The following KCTD14 variants were observed in gnomAD, a reference collection of about 807,000 sequenced individuals.
KCTD14 encodes the protein BTB/POZ domain-containing protein KCTD14.
Under a neutral mutation model 5.9 loss-of-function variants are expected in KCTD14, and 7 were observed. That is an observed-to-expected ratio of 1.19 (90% confidence interval 0.68 to 2.23). The LOEUF (loss-of-function observed/expected upper bound fraction) is 2.23. KCTD14 is among the 30% of genes most tolerant of loss of function. KCTD14 has a pLI of 0.00. For synonymous variants in KCTD14, 140 were observed against 133.1 expected, an observed-to-expected ratio of 1.05 and a Z score of -0.36; for missense variants, 342 against 332.2, an observed-to-expected ratio of 1.03 and a Z score of -0.23.
intron 1 of KCTD14, among the ~76,000 whole-genome samples, chr11:78,019,930 G>A (rs1056875083): frequency 1.3e-5 from 2 of 152,182 alleles, no homozygotes; most frequent in African/African-American, 4.8e-5. Flanking sequence ...ATTACCTTCA[G>A]TCTTCCAATA....
rs190560355 is a variant in KCTD14, at chr11:78,043,032, G to A, written c.-96+3029C>T. Among the ~76,000 whole-genome samples, 14 of 152,310 alleles carry A rather than the reference G, an allele frequency of 9.2e-5. No individual in the cohort carries two copies. In the East Asian group the frequency reaches 2.3e-3, roughly 25 times the overall value. The stretch of plus-strand genomic sequence containing the variant: ...GACAAGGGAAGAGGGGCTGGGCACC[G>A]TGGCTCACACCTGTAATCCCTGCCT... On this transcript the variant is annotated intron_variant, in intron 1 of 2. Transcript: ENST00000533144.
At chr11:78,033,262 A>G (rs1857680190) in intron 2 of KCTD14, among the ~76,000 whole-genome samples, 1 of 152,260 alleles carries the variant, frequency 6.6e-6, no homozygotes, top group Non-Finnish European at 1.5e-5. Flanking sequence ...GCAAAAGACC[A>G]GAAGCAGCCT....
intron 2 of KCTD14, among the ~76,000 whole-genome samples, chr11:78,034,632 T>C (rs892824102): frequency 2.6e-5 from 4 of 152,052 alleles, no homozygotes; most frequent in African/African-American, 9.7e-5. Context: ...ACAAATCTCG[T>C]CTTTTTGCTG....
rs1406874855 is a variant in KCTD14, at chr11:78,017,096, T to C, written c.265A>G (p.Ile89Val). The part of the protein sequence containing the change: ...IDRPSTYFRP[I>V]LDYLRTGQVP... ...TGCCCAGTGCGCAGGTAGTCCAGGA[T>C]GGGTCTGAAATAGGTGCTGGGGCGG... The change falls in exon 2 of 2, where the codon ATC becomes GTC. Residue 89 changes from isoleucine to valine, a missense_variant. By Grantham distance (29) the Ile-to-Val change is conservative (BLOSUM62 3). Coordinates refer to ENST00000353172, the MANE Select transcript of KCTD14 (RefSeq NM_023930.4). 9.9e-6 allele frequency: 16 copies of C among 1,614,188 alleles called. No individual in the cohort carries two copies. Among genetic ancestry groups the C allele is most frequent in the Non-Finnish European group, 1.4e-5 (16 of 1,180,038 alleles).
At chr11:78,020,982 T>C (rs935290880) in intron 1 of KCTD14, among the ~76,000 whole-genome samples, 14 of 152,240 alleles carry the variant, frequency 9.2e-5, no homozygotes, top group Middle Eastern at 6.8e-3. Flanking sequence ...ACATCAAATA[T>C]CCTTTCTGAA....
exon 2 of KCTD14, chr11:78,038,707 G>A (rs1857893930): frequency 6.5e-7 from 1 of 1,535,748 alleles, no homozygotes. Context: ...AAACACAGCA[G>A]GGGTGTCAGA....
At chr11:78,038,772 A>C (rs1274485236) in intron 1 of KCTD14, 1 of 1,535,684 alleles carries the variant, frequency 6.5e-7, no homozygotes, top group South Asian at 1.2e-5. Flanking sequence ...AAACAGAAAG[A>C]GAATTTCTTA....
In KCTD14 at chr11:78,032,448, A is replaced by T. The variant is rs1857651417; in HGVS notation, c.-1+6216T>A. Among the ~76,000 whole-genome samples, 4 of 152,372 alleles carry T rather than the reference A, an allele frequency of 2.6e-5. No homozygotes were observed. The South Asian group carries it at 8.3e-4, about 32-fold the overall frequency. On this transcript the variant is annotated intron_variant, in intron 2 of 2. Coordinates refer to the KCTD14 transcript ENST00000533144. ...AGGTAACCTTTGTTTCACAGGCATT[A>T]TCTCATTTAATCTTCACAACAACCC...
At chr11:78,033,845 CAAAAA>C (rs60386490) in intron 2 of KCTD14, among the ~76,000 whole-genome samples, 1 of 133,450 alleles carries the variant, frequency 7.5e-6, no homozygotes. Flanking sequence ...GACTCCATCT[CAAAAA>C]AAAAAAAAAG....
chr11:78,023,222 G>GCCACAT lies in KCTD14; in HGVS notation c.27_28insATGTGG (p.Arg9_Pro10insMetTrp), dbSNP rs753093190. On this transcript the variant is annotated inframe_insertion, in exon 1 of 2. Coordinates refer to ENST00000353172, the MANE Select transcript of KCTD14 (RefSeq NM_023930.4). ...GTCTGGCTCGTCATCCTGCCCACTGGCCGCTCCACTGCGCAGCCCTGCCAC... is the reference window on the plus strand; with the variant it reads ...GTCTGGCTCGTCATCCTGCCCACTGGCCACATCCGCTCCACTGCGCAGCCCTGCCAC... 6 of 1,608,370 alleles carry GCCACAT rather than the reference G, an allele frequency of 3.7e-6. No homozygotes were observed. The African/African-American group carries it at 8.0e-5, about 22-fold the overall frequency.
At chr11:78,040,237 G>A (rs1245838720) in intron 1 of KCTD14, among the ~76,000 whole-genome samples, 3 of 152,296 alleles carry the variant, frequency 2.0e-5, no homozygotes, top group African/African-American at 4.8e-5. Context: ...TCTGAAGTAC[G>A]GGCATTTTTT....
At chr11:78,039,897 T>G (rs893187939) in intron 1 of KCTD14, among the ~76,000 whole-genome samples, 1 of 152,194 alleles carries the variant, frequency 6.6e-6, no homozygotes, top group Non-Finnish European at 1.5e-5. Flanking sequence ...ATTTTACTTC[T>G]TTCTTCTCTC....
At chr11:78,042,228 C>T (rs1858014995) in intron 1 of KCTD14, among the ~76,000 whole-genome samples, 1 of 152,214 alleles carries the variant, frequency 6.6e-6, no homozygotes, top group South Asian at 2.1e-4. Context: ...ATGATAATGG[C>T]TGGACACGGT....
At chr11:78,034,575 C>A (rs936561554) in intron 2 of KCTD14, among the ~76,000 whole-genome samples, 1 of 151,712 alleles carries the variant, frequency 6.6e-6, no homozygotes, top group Middle Eastern at 3.2e-3. Flanking sequence ...ACAGATTGTG[C>A]GACCTGGGTT....
intron 2 of KCTD14, among the ~76,000 whole-genome samples, chr11:78,029,938 C>A (rs181240184): frequency 1.3e-5 from 2 of 152,014 alleles, no homozygotes; most frequent in African/African-American, 2.4e-5. Context: ...CCCACCACCA[C>A]GCCTGGCTAA....
intron 2 of KCTD14, among the ~76,000 whole-genome samples, chr11:78,029,478 G>A (rs1445134264): frequency 6.6e-6 from 1 of 152,110 alleles, no homozygotes; most frequent in Non-Finnish European, 1.5e-5. Context: ...AGAGGTCACT[G>A]GTTGGTTCAC....
chr11:78,043,843 G>C (rs940610534), intron 1 of KCTD14, among the ~76,000 whole-genome samples: 1 of 152,138 alleles, frequency 6.6e-6, no homozygotes, highest in East Asian at 1.9e-4. Context: ...CTTCTGGCTC[G>C]AGGTGACAGA....
exon 2 of KCTD14, chr11:78,038,677 G>A: frequency 6.5e-7 from 1 of 1,535,764 alleles, no homozygotes; most frequent in Non-Finnish European, 8.7e-7. Context: ...ATGGGTGGTG[G>A]CAGCAGAACT....
chr11:78,038,604 T>C lies in KCTD14; in HGVS notation c.-1+60A>G, dbSNP rs1857889711. The C allele has an allele frequency of 2.0e-6, 3 of 1,527,702 alleles. No homozygotes were observed. In the Admixed American group the frequency reaches 5.9e-5, roughly 30 times the overall value. 94.6% of individuals were successfully genotyped at this position (1,527,702 alleles called of 1,614,324 possible). On this transcript the variant is annotated intron_variant, in intron 2 of 2. Transcript: ENST00000533144. The stretch of plus-strand genomic sequence containing the variant: ...CAGCTGGTTACCCCAAGTGAACAGC[T>C]TCTCCACCATCTCACACAGCCCAGA...
Sources: gnomAD v4.1 joint callset for allele counts (sites outside exome capture counted in the v4.1 genomes callset) on GRCh38, gnomAD v4.1.1 for gene constraint, MANE v1.5 for transcripts, NCBI Gene and HGNC (gene_info 2026-07-23, HGNC 2026-07-21) for gene names.